Variants in ZBED4 observed in about 807,000 individuals in gnomAD.
ZBED4 encodes the protein zinc finger BED domain-containing protein 4.
ZBED4 carries 4 observed loss-of-function variants against 15.5 expected under a neutral mutation model. The ratio of observed to expected loss-of-function variants is 0.26; its 90% CI spans 0.13 to 0.59. The LOEUF (loss-of-function observed/expected upper bound fraction) is 0.59. Among genes scored for constraint, ZBED4 ranks in the 20% least tolerant of loss-of-function variants. ZBED4 has a pLI of 0.90. For missense variants in ZBED4, 1,323 were observed against 1,461.8 expected (o/e 0.91, Z 1.55); for synonymous variants, 692 against 608.5 (o/e 1.14, Z -2.02).
intron 1 of ZBED4, among the ~76,000 whole-genome samples, chr22:49,880,507 C>T (rs2060403431): frequency 6.6e-6 from 1 of 152,340 alleles, no homozygotes; most frequent in Non-Finnish European, 1.5e-5. Flanking sequence ...GGTGGGGCTC[C>T]CTCTTTAGCT....
intron 1 of ZBED4, among the ~76,000 whole-genome samples, chr22:49,863,460 C>T (rs1317549529): frequency 6.6e-6 from 1 of 152,110 alleles, no homozygotes; most frequent in Admixed American, 6.5e-5. Context: ...AACCACGTCT[C>T]TACTAAAAAT....
chr22:49,857,474 C>G (rs998499192), intron 1 of ZBED4, among the ~76,000 whole-genome samples: 1 of 152,204 alleles, frequency 6.6e-6, no homozygotes, highest in South Asian at 2.1e-4. Context: ...TGGAAGGTGC[C>G]GTTTCCAAGA....
chr22:49,867,680 C>T (rs554883694), intron 1 of ZBED4, among the ~76,000 whole-genome samples: 87 of 152,222 alleles, frequency 5.7e-4, no homozygotes, highest in Non-Finnish European at 1.1e-3. Context: ...CTCGGTGTAT[C>T]ACACGCTTGA....
At chr22:49,857,647 A>C (rs189058983) in intron 1 of ZBED4, among the ~76,000 whole-genome samples, 1 of 152,286 alleles carries the variant, frequency 6.6e-6, no homozygotes, top group African/African-American at 2.4e-5. Context: ...GCTGGAGTGC[A>C]GTGTTACAAT....
chr22:49,884,948 A>G lies in ZBED4; in HGVS notation c.1286A>G (p.Glu429Gly). ...DIGEASASSPEKQQADGLSPR... is the reference protein window; with the variant it reads ...DIGEASASSPGKQQADGLSPR... ...GGGGAGGCCTCGGCGTCCTCTCCTG[A>G]GAAGCAGCAGGCTGATGGGCTGAGT... The change falls in exon 2 of 2, where the codon GAG (glutamate) becomes GGG (glycine). Residue 429 changes from glutamate (E) to glycine (G), a missense_variant. Physicochemically the swap from Glu to Gly is moderately conservative, Grantham distance 98 (BLOSUM62 -2). Transcript: ENST00000216268. 1.2e-6 allele frequency: 2 copies of G among 1,610,720 alleles called. No individual in the cohort carries two copies. The highest frequency in any genetic ancestry group is 4.5e-5 in the East Asian group (2 of 44,858).
chr22:49,854,370 C>T (rs2060265849), intron 1 of ZBED4, among the ~76,000 whole-genome samples: 1 of 151,960 alleles, frequency 6.6e-6, no homozygotes, highest in Non-Finnish European at 1.5e-5. Flanking sequence ...CCCCGCGAGC[C>T]CCGTCCCTGG....
At chr22:49,871,652 G>A (rs923400215) in intron 1 of ZBED4, among the ~76,000 whole-genome samples, 3 of 152,110 alleles carry the variant, frequency 2.0e-5, no homozygotes, top group African/African-American at 7.2e-5. Context: ...AGGAGATGTT[G>A]CCTTGGTGTC....
intron 1 of ZBED4, among the ~76,000 whole-genome samples, chr22:49,882,799 A>G (rs2147543865): frequency 6.6e-6 from 1 of 152,322 alleles, no homozygotes; most frequent in South Asian, 2.1e-4. Context: ...GATGGGCTGG[A>G]AGCGGTTTTC....
At chr22:49,858,255 G>A (rs2060282748) in intron 1 of ZBED4, among the ~76,000 whole-genome samples, 1 of 152,218 alleles carries the variant, frequency 6.6e-6, no homozygotes, top group Non-Finnish European at 1.5e-5. Context: ...GGCAGCTGTT[G>A]TGAGCCATGG....
chr22:49,881,163 T>C (rs1315969481), intron 1 of ZBED4, among the ~76,000 whole-genome samples: 1 of 152,108 alleles, frequency 6.6e-6, no homozygotes, highest in East Asian at 1.9e-4. Flanking sequence ...CTGGCCAACA[T>C]GGCGAAACCC....
chr22:49,886,730 A>G lies in ZBED4; in HGVS notation c.3068A>G (p.Glu1023Gly). The G allele has an allele frequency of 6.2e-7, 1 of 1,613,232 alleles. No homozygotes were observed. Among genetic ancestry groups the G allele is most frequent in the Non-Finnish European group, 8.5e-7 (1 of 1,179,792 alleles). ...TCCCTGTTTACGGAGGAGGAGGCGG[A>G]GCAGTACAAACAGGATTTAATCAGG... ...KASLFTEEEAEQYKQDLIREL... is the reference protein window; with the variant it reads ...KASLFTEEEAGQYKQDLIREL... Residue 1023 changes from glutamate to glycine, a missense_variant, in exon 2 of 2, where the codon GAG becomes GGG. Around this residue, in one of 6 missense-constraint regions of ZBED4, gnomAD observed 312 missense variants for 410.7 expected, o/e 0.76. Transcript: ENST00000216268. This position sits in a 1 kb window ranked among gnomAD's most constrained non-coding sequence, Gnocchi z 7.7.
chr22:49,866,544 G>T (rs991227001), intron 1 of ZBED4, among the ~76,000 whole-genome samples: 1 of 151,978 alleles, frequency 6.6e-6, no homozygotes, highest in African/African-American at 2.4e-5. Flanking sequence ...TCTCACATCA[G>T]AATTTTTCTA....
chr22:49,887,186 G>A lies in ZBED4; in HGVS notation c.*8G>A, dbSNP rs180898240. ...ATATACTTTCAGTATTGAAACTCAC[G>A]ACGGCACCACTAGGCCAGAGGCGTG... is the stretch of plus-strand genomic sequence containing the variant. On this transcript the variant is annotated 3_prime_UTR_variant, in exon 2 of 2. Coordinates refer to ENST00000216268, the MANE Select transcript of ZBED4 (RefSeq NM_014838.3). 1.8e-5 allele frequency: 29 copies of A among 1,598,384 alleles called. No individual in the cohort carries two copies. The highest frequency in any genetic ancestry group is 2.7e-5 in the African/African-American group (2 of 74,564).
At chr22:49,853,789 T>TCGGCCCCGCCCCCGGCCAGCC (rs1555921226), upstream of ZBED4, 2 of 143,752 alleles carry the variant, frequency 1.4e-5, no homozygotes, top group African/African-American at 5.1e-5. Context: ...CCGCCCCCGA[T>TCGGCCCCGCCCCCGGCCAGCC]CGGCCCCGCC....
chr22:49,867,670 C>T (rs990506234), intron 1 of ZBED4, among the ~76,000 whole-genome samples: 1 of 152,210 alleles, frequency 6.6e-6, no homozygotes, highest in Non-Finnish European at 1.5e-5. Flanking sequence ...CTTGGGGATG[C>T]TCGGTGTATC....
rs751073845 is a variant in ZBED4 at position 49,886,888 on chromosome 22, C to G, written c.3226C>G (p.Pro1076Ala). 2.5e-6 allele frequency: 4 copies of G among 1,613,970 alleles called. No individual in the cohort carries two copies. Among genetic ancestry groups the G allele is most frequent in the South Asian group, 1.1e-5 (1 of 91,066 alleles). ...TGTGGCCAAGGTGAAGAAGAAAGAC[C>G]CAAGAGAAAAGCTGCCTGAAGCCAT... ...SLVAKVKKKD[P>A]REKLPEAMVL... Residue 1076 changes from proline (P) to alanine (A), a missense_variant, in exon 2 of 2, where the codon CCA (proline) becomes GCA (alanine). By Grantham distance (27) the Pro-to-Ala change is conservative. Coordinates refer to ENST00000216268, the MANE Select transcript of ZBED4 (RefSeq NM_014838.3). The surrounding 1 kb of genome is among the most constrained non-coding windows in gnomAD (Gnocchi z 7.7).
chr22:49,858,431 G>A (rs930275434), intron 1 of ZBED4, among the ~76,000 whole-genome samples: 5 of 152,142 alleles, frequency 3.3e-5, no homozygotes, highest in African/African-American at 1.2e-4. Context: ...TGCCTCCCTG[G>A]GTATACTCGA....
intron 1 of ZBED4, among the ~76,000 whole-genome samples, chr22:49,879,599 G>T (rs914915561): frequency 7.1e-6 from 1 of 140,852 alleles, no homozygotes; most frequent in African/African-American, 2.6e-5. Context: ...GTGTCTGGGC[G>T]TGTTTCTATT....
intron 1 of ZBED4, among the ~76,000 whole-genome samples, chr22:49,879,147 AAAAAAAC>A (rs1344946628): frequency 2.0e-5 from 3 of 150,718 alleles, no homozygotes; most frequent in Non-Finnish European, 4.4e-5. Context: ...CCATCTCAAA[AAAAAAAC>A]AAAAAACAAA....
Sources: allele counts gnomAD v4.1 joint callset (sites outside exome capture counted in the v4.1 genomes callset), GRCh38; gene constraint gnomAD v4.1.1; regional missense constraint gnomAD v4.1.1; non-coding constraint Gnocchi (gnomAD v3.1); transcripts MANE v1.5; gene names NCBI Gene and HGNC (gene_info 2026-07-23, HGNC 2026-07-21).